Variants in ANKRD17 observed in about 807,000 individuals in gnomAD.
ANKRD17 encodes the protein ankyrin repeat domain-containing protein 17.
ANKRD17 carries 19 observed loss-of-function variants against 229.7 expected under a neutral mutation model. The observed-to-expected ratio is 0.08, with a 90% CI of 0.06 to 0.12. The LOEUF is 0.12. ANKRD17 is among the 10% of genes least tolerant of loss of function. ANKRD17 has a pLI of 1.00. For synonymous variants in ANKRD17, 1,112 were observed against 1,146.1 expected, an observed-to-expected ratio of 0.97 and a Z score of 0.60; for missense variants, 2,176 against 3,176.8, an observed-to-expected ratio of 0.68 and a Z score of 7.57.
At chr4:73,191,341 A>ATGTGTGTGTGTGTGTG (rs71655741) in intron 1 of ANKRD17, among the ~76,000 whole-genome samples, 2,611 of 125,184 alleles carry the variant, frequency 0.021, 64 homozygotes, top group African/African-American at 0.032. Flanking sequence ...AAAAATATAT[A>ATGTGTGTGTGTGTGTG]TGTGTGTGTG....
At chr4:73,214,179 G>A (rs768004154) in intron 1 of ANKRD17, among the ~76,000 whole-genome samples, 3 of 152,106 alleles carry the variant, frequency 2.0e-5, no homozygotes, top group Non-Finnish European at 2.9e-5. Context: ...TTTTTCTCCG[G>A]CTCTTTAAAA....
At chr4:73,084,695 C>T (rs1200075185) in intron 30 of ANKRD17, among the ~76,000 whole-genome samples, 8 of 152,098 alleles carry the variant, frequency 5.3e-5, no homozygotes, top group Non-Finnish European at 4.4e-5. Flanking sequence ...GTGATCCACC[C>T]GCCTTGGCCT....
At position 73,092,397 on chromosome 4, in the gene ANKRD17, G is replaced by A. The variant is rs577681737; in HGVS notation, c.5328-97C>T. 4.7e-5 allele frequency: 46 copies of A among 978,834 alleles called. 1 individual carries two copies. Among genetic ancestry groups the A allele is most frequent in the Non-Finnish European group, 6.2e-5 (42 of 672,634 alleles). The allele number at this position is 978,834 out of a possible 1,614,324, so 60.6% of individuals were successfully genotyped here. On this transcript the variant is annotated intron_variant, in intron 28 of 33. Coordinates refer to ENST00000358602, the MANE Select transcript of ANKRD17 (RefSeq NM_032217.5). Reference sequence around the variant, plus strand: ...ATTTATGTACACAAACACACACACAGTTTTGTGTGTATATACATACACACA... The same window carrying A: ...ATTTATGTACACAAACACACACACAATTTTGTGTGTATATACATACACACA...
chr4:73,214,783 C>A (rs1740780273), intron 1 of ANKRD17, among the ~76,000 whole-genome samples: 3 of 135,358 alleles, frequency 2.2e-5, no homozygotes, highest in African/African-American at 8.4e-5. Flanking sequence ...ACTCCTAAAA[C>A]AGGACTGCTT....
chr4:73,099,271 C>G (rs111990518), intron 25 of ANKRD17: 149 of 558,158 alleles, frequency 2.7e-4, no homozygotes, highest in African/African-American at 2.4e-3. Context: ...CGGCTGCCAC[C>G]CCCATCCTTC....
intron 2 of ANKRD17, among the ~76,000 whole-genome samples, chr4:73,176,584 T>C (rs985497116): frequency 6.6e-6 from 1 of 151,658 alleles, no homozygotes; most frequent in Non-Finnish European, 1.5e-5. Context: ...GTTGGGGCAG[T>C]GGGGATGGTT....
intron 1 of ANKRD17, among the ~76,000 whole-genome samples, chr4:73,220,868 T>C (rs1339618077): frequency 6.6e-6 from 1 of 152,122 alleles, no homozygotes; most frequent in Non-Finnish European, 1.5e-5. Flanking sequence ...AACTTCATTA[T>C]CCATTACTGG....
At chr4:73,200,987 CGGG>C (rs55813807) in intron 1 of ANKRD17, among the ~76,000 whole-genome samples, 3 of 39,388 alleles carry the variant, frequency 7.6e-5, no homozygotes, top group African/African-American at 1.2e-4. Flanking sequence ...ACAGTATGGG[CGGG>C]GGGGGGGGGA....
intron 12 of ANKRD17, 34 bp downstream of exon 12, chr4:73,142,606 T>C: frequency 6.2e-7 from 1 of 1,613,686 alleles, no homozygotes; most frequent in Middle Eastern, 1.7e-4. Context: ...GAAATACTAA[T>C]TCACAATTCT....
intron 1 of ANKRD17, among the ~76,000 whole-genome samples, chr4:73,236,169 C>A (rs1743492132): frequency 6.6e-6 from 1 of 151,962 alleles, no homozygotes; most frequent in South Asian, 2.1e-4. Flanking sequence ...TCCAGTACTC[C>A]TTTTTCAGAC....
At chr4:73,109,839 TTC>T (rs1725088503) in intron 24 of ANKRD17, among the ~76,000 whole-genome samples, 2 of 151,568 alleles carry the variant, frequency 1.3e-5, no homozygotes, top group Non-Finnish European at 2.9e-5. Context: ...ACATAAATGG[TTC>T]TTACCATTTA....
intron 1 of ANKRD17, among the ~76,000 whole-genome samples, chr4:73,249,637 C>G (rs1744807975): frequency 6.6e-6 from 1 of 152,148 alleles, no homozygotes; most frequent in Non-Finnish European, 1.5e-5. Flanking sequence ...GGGGCGGATC[C>G]AAGGTCAGGA....
intron 2 of ANKRD17, among the ~76,000 whole-genome samples, chr4:73,171,183 GAGAGA>G (rs1733965269): frequency 1.8e-5 from 1 of 55,946 alleles, no homozygotes; most frequent in Admixed American, 2.3e-4. Flanking sequence ...AGGGGGGAGA[GAGAGA>G]GAGAGAGAGA....
At chr4:73,141,197 G>C (rs1172251814) in intron 14 of ANKRD17, among the ~76,000 whole-genome samples, 1 of 152,120 alleles carries the variant, frequency 6.6e-6, no homozygotes, top group Non-Finnish European at 1.5e-5. Context: ...AAAATGTTTG[G>C]GGACATTACT....
At chr4:73,173,749 G>A (rs1373580414) in intron 2 of ANKRD17, among the ~76,000 whole-genome samples, 1 of 152,054 alleles carries the variant, frequency 6.6e-6, no homozygotes, top group Non-Finnish European at 1.5e-5. Flanking sequence ...ATGAATACAG[G>A]GAGCCACATG....
At position 73,120,252 on chromosome 4, in the gene ANKRD17, T is replaced by C; in HGVS notation, c.3935A>G (p.Asn1312Ser). ...RVLLDKGADV[N>S]APPVPSSRDT... ...TCTTGAGGAGGGAACTGGAGGGGCA[T>C]TAACATCAGCACCTTTATCCAAAAG... Residue 1312 changes from asparagine to serine, a missense_variant, in exon 21 of 34, where the codon AAT becomes AGT. By Grantham distance (46) the Asn-to-Ser change is conservative (BLOSUM62 1). Around this residue, in one of 18 missense-constraint regions of ANKRD17, gnomAD observed 178 missense variants for 421.7 expected, o/e 0.42. Coordinates refer to ENST00000358602, the MANE Select transcript of ANKRD17 (RefSeq NM_032217.5). The C allele has an allele frequency of 6.2e-7, 1 of 1,614,054 alleles. No homozygotes were observed. The highest frequency in any genetic ancestry group is 8.5e-7 in the Non-Finnish European group (1 of 1,179,996).
chr4:73,095,621 G>T (rs1031223351), intron 27 of ANKRD17, among the ~76,000 whole-genome samples: 1 of 141,832 alleles, frequency 7.1e-6, no homozygotes. Context: ...AAAAAAAAAA[G>T]CAATATCCAT....
At chr4:73,171,178 G>GAAGA (rs1553928536) in intron 2 of ANKRD17, among the ~76,000 whole-genome samples, 1 of 104,446 alleles carries the variant, frequency 9.6e-6, no homozygotes, top group East Asian at 2.7e-4. Flanking sequence ...CTCAGAGGGG[G>GAAGA]GAGAGAGAGA....
In ANKRD17 at chr4:73,147,262, C is replaced by A; in HGVS notation, c.1738G>T (p.Val580Phe). 6.4e-7 allele frequency: 1 copy of A among 1,563,062 alleles called. No individual in the cohort carries two copies. Among genetic ancestry groups the A allele is most frequent in the East Asian group, 2.3e-5 (1 of 43,656 alleles). ...EAAQEGHLEL[V>F]KYLLAAGANV... ...CTACCTGCAGCTAATAAGTATTTAA[C>A]TAACTCCAAATGACCCTCTTGAGCA... Residue 580 changes from valine (V) to phenylalanine (F), a missense_variant, in exon 9 of 34, where the codon GTT becomes TTT. Coordinates refer to ENST00000358602, the MANE Select transcript of ANKRD17 (RefSeq NM_032217.5).
Sources: gnomAD v4.1 joint callset for allele counts (sites outside exome capture counted in the v4.1 genomes callset) on GRCh38, gnomAD v4.1.1 for gene constraint, gnomAD v4.1.1 regional missense constraint, MANE v1.5 for transcripts, NCBI Gene and HGNC (gene_info 2026-07-23, HGNC 2026-07-21) for gene names.